Variants in TAP1 observed in about 807,000 individuals in gnomAD.
TAP1 encodes the protein transporter 1, ATP binding cassette subfamily B member.
TAP1 carries 56 observed loss-of-function variants against 79.3 expected under a neutral mutation model. The observed-to-expected ratio is 0.71, with a 90% confidence interval of 0.57 to 0.88. The LOEUF (loss-of-function observed/expected upper bound fraction) is 0.88. Ranked by LOEUF, TAP1 falls within the 40% of genes least tolerant of loss-of-function variation. The pLI, the probability that TAP1 is intolerant of heterozygous loss-of-function variation, is 0.00. For missense variants in TAP1, 737 were observed against 936.3 expected, an observed-to-expected ratio of 0.79 and a Z score of 2.78; for synonymous variants, 355 against 401.4, an observed-to-expected ratio of 0.88 and a Z score of 1.38.
chr6:32,852,587 C>G lies in TAP1; in HGVS notation c.599-85G>C, dbSNP rs1770859909. The G allele has an allele frequency of 3.8e-6, 6 of 1,579,134 alleles. No individual in the cohort carries two copies. In the Admixed American group the frequency reaches 9.3e-5, roughly 25 times the overall value. On this transcript the variant is annotated intron_variant, in intron 1 of 10. Transcript: ENST00000354258. This position sits in a 1 kb window ranked among gnomAD's most constrained non-coding sequence, Gnocchi z 4.8. ...CAGACTGGCCCCACCACGCCTCCTC[C>G]CCCTCACCATTATCCTGGAGGGCAT...
rs952645807 is a variant in TAP1, at chr6:32,850,737, G to A, written c.1050+207C>T. Among the ~76,000 whole-genome samples, 3 of 152,164 alleles carry A rather than the reference G, an allele frequency of 2.0e-5. No individual in the cohort carries two copies. The highest frequency in any genetic ancestry group is 7.2e-5 in the African/African-American group (3 of 41,434). ...CAAATTCTTAAAGACAGATTGTGGG[G>A]AGAAGCTAGAAAAGAAGACCCAGAG... On this transcript the variant is annotated intron_variant, in intron 4 of 10. Transcript: ENST00000354258. This position sits in a 1 kb window ranked among gnomAD's most constrained non-coding sequence, Gnocchi z 5.5.
Position 32,850,916 on chromosome 6 carries a change from G to A in TAP1, c.1050+28C>T. ...CCAAGTCTGGGAGATGAGGGTCTGT[G>A]TAGAGCGGGCCAACTCCATGAACAT... On this transcript the variant is annotated intron_variant, in intron 4 of 10. Coordinates refer to ENST00000354258, the MANE Select transcript of TAP1 (RefSeq NM_000593.6). The surrounding 1 kb of genome is among the most constrained non-coding windows in gnomAD (Gnocchi z 5.5). The A allele has an allele frequency of 6.3e-7, 1 of 1,598,668 alleles. No individual in the cohort carries two copies. The highest frequency in any genetic ancestry group is 8.6e-7 in the Non-Finnish European group (1 of 1,168,266).
rs1770899190 is a variant in TAP1 at position 32,853,113 on chromosome 6, C to A, written c.524G>T (p.Arg175Leu). 6.2e-7 allele frequency: 1 copy of A among 1,612,718 alleles called. No individual in the cohort carries two copies. The highest frequency in any genetic ancestry group is 1.3e-5 in the African/African-American group (1 of 74,918). Reference sequence around the variant, plus strand: ...CTCCGAGCCCAGGCAGCCTAGAAGCCGACGCACAGGGTTTCCAGAGCCGCC... The same window carrying A: ...CTCCGAGCCCAGGCAGCCTAGAAGCAGACGCACAGGGTTTCCAGAGCCGCC... ...GQGGSGNPVR[R>L]LLGCLGSETR... Residue 175 changes from arginine to leucine, a missense_variant, in exon 1 of 11, where the codon CGG becomes CTG. Arg to Leu is a moderately radical substitution (Grantham distance 102). Coordinates refer to ENST00000354258, the MANE Select transcript of TAP1 (RefSeq NM_000593.6). The surrounding 1 kb of genome is among the most constrained non-coding windows in gnomAD (Gnocchi z 8.3).
At chr6:32,848,524 C>A in intron 7 of TAP1, 128 bp downstream of exon 7, 1 of 1,071,250 alleles carries the variant, frequency 9.3e-7, no homozygotes, top group Non-Finnish European at 1.4e-6. Flanking sequence ...CAGATGATGC[C>A]TACCATTGCC....
Position 32,852,755 on chromosome 6 carries a change from A to G in TAP1, c.599-253T>C. On this transcript the variant is annotated intron_variant, in intron 1 of 10. Transcript: ENST00000354258. The surrounding 1 kb of genome is among the most constrained non-coding windows in gnomAD (Gnocchi z 4.8). ...ATGAAGTAGAAAAGCCTCCTGTTAG[A>G]GATGAGGATGCCCCGCCCTTCGGCC... 4.2e-6 allele frequency: 6 copies of G among 1,443,056 alleles called. No individual in the cohort carries two copies. In the South Asian group the frequency reaches 7.5e-5, roughly 18 times the overall value. The allele number at this position is 1,443,056 out of a possible 1,614,324, so 89.4% of individuals were successfully genotyped here.
chr6:32,848,654 G>A lies in TAP1; in HGVS notation c.1564C>T (p.Gln522Ter), dbSNP rs967210854. The change falls in exon 7 of 11, where the codon CAG (glutamine) becomes TAG (stop). Residue 522 changes from glutamine (Q) to a stop codon, truncating the protein, a stop_gained and splice_region_variant. Coordinates refer to ENST00000354258, the MANE Select transcript of TAP1 (RefSeq NM_000593.6). LOFTEE classifies it high-confidence loss of function. ...ATACAGGGAGTGGTAGGTTGTACCT[G>A]TAGCACTAAGACATCTGGGCGGTTT... Reference protein sequence around the residue: ...YPNRPDVLVLQGLTFTLRPGE... With the variant: ...YPNRPDVLVL 54 of 1,613,846 alleles carry A rather than the reference G, an allele frequency of 3.3e-5. No individual in the cohort carries two copies. The highest frequency in any genetic ancestry group is 4.2e-5 in the Non-Finnish European group (49 of 1,180,024).
Position 32,847,246 on chromosome 6 carries a change from G to A in TAP1, c.1904-42C>T, listed in dbSNP as rs776033207. On this transcript the variant is annotated intron_variant, in intron 9 of 10. Coordinates refer to ENST00000354258, the MANE Select transcript of TAP1 (RefSeq NM_000593.6). The surrounding 1 kb of genome is among the most constrained non-coding windows in gnomAD (Gnocchi z 4.7). ...CAAGATGAGAACGGTATAGCCACATGTGTGCACGCATGTACATGCACACAG... is the reference window on the plus strand; with the variant it reads ...CAAGATGAGAACGGTATAGCCACATATGTGCACGCATGTACATGCACACAG... The A allele has an allele frequency of 2.9e-5, 46 of 1,602,580 alleles. No individual in the cohort carries two copies. The highest frequency in any genetic ancestry group is 1.7e-4 in the Middle Eastern group (1 of 6,036).
intron 7 of TAP1, 108 bp downstream of exon 7, chr6:32,848,544 T>C: frequency 7.4e-6 from 9 of 1,217,806 alleles, no homozygotes; most frequent in African/African-American, 1.5e-5. Flanking sequence ...CTTTAAAGGG[T>C]TAGGGAGGAT....
chr6:32,848,564 G>T, intron 7 of TAP1, 88 bp downstream of exon 7: 2 of 1,370,528 alleles, frequency 1.5e-6, no homozygotes, highest in Non-Finnish European at 2.1e-6. Context: ...TATATGCTTG[G>T]CAGTAAGCAG....
chr6:32,848,871 G>T (rs1190660701), intron 6 of TAP1, 31 bp from the exon 7 acceptor site: 1 of 1,613,380 alleles, frequency 6.2e-7, no homozygotes, highest in South Asian at 1.1e-5. Flanking sequence ...TGAAAGTGAG[G>T]TAGTCTGCTT....
In TAP1 at chr6:32,850,320, A is replaced by T. The variant is rs763494984; in HGVS notation, c.1248T>A (p.Ser416Arg). The T allele has an allele frequency of 6.2e-7, 1 of 1,614,226 alleles. No homozygotes were observed. The highest frequency in any genetic ancestry group is 8.5e-7 in the Non-Finnish European group (1 of 1,180,006). The change falls in exon 5 of 11, where the codon AGT (serine) becomes AGA (arginine). Residue 416 changes from serine (S) to arginine (R), a missense_variant and splice_region_variant. Physicochemically the swap from Ser to Arg is moderately radical, Grantham distance 110. Coordinates refer to ENST00000354258, the MANE Select transcript of TAP1 (RefSeq NM_000593.6). The surrounding 1 kb of genome is among the most constrained non-coding windows in gnomAD (Gnocchi z 5.5). ...VAYAVNSWTT[S>R]ISGMLLKVGI... The stretch of plus-strand genomic sequence containing the variant: ...TGGGTATTCATCTTCAGGTGCTCAC[A>T]CTAGTGGTCCAGGAGTTGACTGCAT...
Position 32,847,122 on chromosome 6 carries a change from A to T in TAP1, c.1986T>A (p.Cys662Ter). The change falls in exon 10 of 11, where the codon TGT becomes TGA. Residue 662 changes from cysteine (C) to a stop codon, truncating the protein, a stop_gained. Coordinates refer to ENST00000354258, the MANE Select transcript of TAP1 (RefSeq NM_000593.6). LOFTEE classifies it high-confidence loss of function. This position sits in a 1 kb window ranked among gnomAD's most constrained non-coding sequence, Gnocchi z 4.7. ...TGGTGGCATCATCCAGGATAAGTAC[A>T]CACGGTTTCCGGATCAATGCTCGGG... The part of the protein sequence containing the change: ...ALARALIRKP[C>*]VLILDDATSA... The T allele has an allele frequency of 6.2e-7, 1 of 1,613,000 alleles. No individual in the cohort carries two copies. The highest frequency in any genetic ancestry group is 8.5e-7 in the Non-Finnish European group (1 of 1,180,040).
At position 32,850,158 on chromosome 6, in the gene TAP1, T is replaced by C. The variant is rs1316507726; in HGVS notation, c.1248+162A>G. ...GCATCTTTAAAGAGAGGGAGGGGGCTAGGGACACTGAGTAGAGTCATTGAG... is the reference window on the plus strand; with the variant it reads ...GCATCTTTAAAGAGAGGGAGGGGGCCAGGGACACTGAGTAGAGTCATTGAG... On this transcript the variant is annotated intron_variant, in intron 5 of 10. Coordinates refer to ENST00000354258, the MANE Select transcript of TAP1 (RefSeq NM_000593.6). The surrounding 1 kb of genome is among the most constrained non-coding windows in gnomAD (Gnocchi z 5.5). 1.3e-6 allele frequency: 1 copy of C among 741,302 alleles called. No homozygotes were observed. Among genetic ancestry groups the C allele is most frequent in the African/African-American group, 1.7e-5 (1 of 57,170 alleles). 45.9% of individuals were successfully genotyped at this position (741,302 alleles called of 1,614,324 possible).
Position 32,853,669 on chromosome 6 carries a change from G to C in TAP1, c.-33C>G, listed in dbSNP as rs1034909481. ...CGGACGCCGTCCCGGTCCCGGCCGGGCCTGGGACTCTCCGCGCCCCGGTGG... is the reference window on the plus strand; with the variant it reads ...CGGACGCCGTCCCGGTCCCGGCCGGCCCTGGGACTCTCCGCGCCCCGGTGG... On this transcript the variant is annotated 5_prime_UTR_variant, in exon 1 of 11. Coordinates refer to ENST00000354258, the MANE Select transcript of TAP1 (RefSeq NM_000593.6). The surrounding 1 kb of genome is among the most constrained non-coding windows in gnomAD (Gnocchi z 8.3). 7 of 1,594,458 alleles carry C rather than the reference G, an allele frequency of 4.4e-6. No homozygotes were observed. In the Admixed American group the frequency reaches 5.2e-5, roughly 12 times the overall value.
rs1770730903 is a variant in TAP1 at position 32,850,741 on chromosome 6, A to G, written c.1050+203T>C. On this transcript the variant is annotated intron_variant, in intron 4 of 10. Coordinates refer to ENST00000354258, the MANE Select transcript of TAP1 (RefSeq NM_000593.6). The surrounding 1 kb of genome is among the most constrained non-coding windows in gnomAD (Gnocchi z 5.5). ...TTCTTAAAGACAGATTGTGGGGAGA[A>G]GCTAGAAAAGAAGACCCAGAGAGTA... 6.6e-6 allele frequency among the ~76,000 whole-genome samples: 1 copy of G among 152,190 alleles called. No individual in the cohort carries two copies. Among genetic ancestry groups the G allele is most frequent in the Admixed American group, 6.5e-5 (1 of 15,280 alleles).
rs1770690144 is a variant in TAP1, at chr6:32,850,062, G to A, written c.1248+258C>T. 3.4e-6 allele frequency: 2 copies of A among 585,206 alleles called. No individual in the cohort carries two copies. Among genetic ancestry groups the A allele is most frequent in the Non-Finnish European group, 6.1e-6 (2 of 327,084 alleles). 36.3% of individuals were successfully genotyped at this position (585,206 alleles called of 1,614,324 possible). ...AGAGGCAAAGGAAGGCCCTAGGACTGGAAGACACGCATCTCTCCAATCCAC... is the reference window on the plus strand; with the variant it reads ...AGAGGCAAAGGAAGGCCCTAGGACTAGAAGACACGCATCTCTCCAATCCAC... On this transcript the variant is annotated intron_variant, in intron 5 of 10. Coordinates refer to ENST00000354258, the MANE Select transcript of TAP1 (RefSeq NM_000593.6). This position sits in a 1 kb window ranked among gnomAD's most constrained non-coding sequence, Gnocchi z 5.5.
In TAP1 at chr6:32,847,240, C is replaced by T; in HGVS notation, c.1904-36G>A. The stretch of plus-strand genomic sequence containing the variant: ...AAGGGCCAAGATGAGAACGGTATAG[C>T]CACATGTGTGCACGCATGTACATGC... On this transcript the variant is annotated intron_variant, in intron 9 of 10. Transcript: ENST00000354258. The surrounding 1 kb of genome is among the most constrained non-coding windows in gnomAD (Gnocchi z 4.7). The T allele has an allele frequency of 3.1e-6, 5 of 1,607,288 alleles. No homozygotes were observed. Among genetic ancestry groups the T allele is most frequent in the Admixed American group, 1.7e-5 (1 of 59,878 alleles).
Position 32,849,096 on chromosome 6 carries a change from A to G in TAP1, c.1271T>C (p.Val424Ala). 1 of 1,588,906 alleles carries G rather than the reference A, an allele frequency of 6.3e-7. No individual in the cohort carries two copies. Among genetic ancestry groups the G allele is most frequent in the Non-Finnish European group, 8.6e-7 (1 of 1,167,996 alleles). ...TTSISGMLLK[V>A]GILYIGGQLV... is the part of the protein sequence containing the mutation. ...CTGCCCACCAATGTAGAGGATTCCC[A>G]CTTTCAGCAGCATACCTGAAATCTA... Residue 424 changes from valine to alanine, a missense_variant, in exon 6 of 11, where the codon GTG becomes GCG. By Grantham distance (64) the Val-to-Ala change is moderately conservative. Transcript: ENST00000354258.
chr6:32,851,924 T>TGTGTGTGTGAGAGAGAGA lies in TAP1; in HGVS notation c.844+184_844+185insTCTCTCTCTCACACACAC, dbSNP rs1554246364. Among the ~76,000 whole-genome samples, 48 of 147,436 alleles carry TGTGTGTGTGAGAGAGAGA rather than the reference T, an allele frequency of 3.3e-4. No homozygotes were observed. Among genetic ancestry groups the TGTGTGTGTGAGAGAGAGA allele is most frequent in the Middle Eastern group, 3.5e-3 (1 of 286 alleles). On this transcript the variant is annotated intron_variant, in intron 3 of 10. Transcript: ENST00000354258. This position sits in a 1 kb window ranked among gnomAD's most constrained non-coding sequence, Gnocchi z 4.8. ...AAAAACAATTGTGTGTGTGTGTGTGTGAGAGAGAGAGAGAGAGAGACAGAG... is the reference window on the plus strand; with the variant it reads ...AAAAACAATTGTGTGTGTGTGTGTGTGTGTGTGTGAGAGAGAGAGAGAGAGAGAGAGAGAGAGACAGAG...
Sources: gnomAD v4.1 joint callset for allele counts (sites outside exome capture counted in the v4.1 genomes callset) on GRCh38, gnomAD v4.1.1 for gene constraint, Gnocchi (gnomAD v3.1) non-coding constraint, MANE v1.5 for transcripts, NCBI Gene and HGNC (gene_info 2026-07-23, HGNC 2026-07-21) for gene names.